Variants in EML6 observed in about 807,000 individuals in gnomAD.
The protein encoded by EML6 is EMAP like 6, also known as echinoderm microtubule-associated protein-like 6.
Under a neutral mutation model 240.1 loss-of-function variants are expected in EML6, and 154 were observed. The observed-to-expected ratio is 0.64, with a 90% CI of 0.56 to 0.73. The LOEUF (loss-of-function observed/expected upper bound fraction) is 0.73, where lower values mean the gene tolerates loss of function less well. Among genes scored for constraint, EML6 ranks in the 30% least tolerant of loss-of-function variants. The probability of loss-of-function intolerance (pLI) is 0.00; values close to 1 mark genes in which losing one functional copy is unlikely to be tolerated. For missense variants in EML6, 2,964 were observed against 2,474.6 expected, an observed-to-expected ratio of 1.20 and a Z score of -4.20; for synonymous variants, 1,148 against 899.0, an observed-to-expected ratio of 1.28 and a Z score of -4.95.
At chr2:54,928,232 C>A in intron 26 of EML6, 81 bp from the exon 27 acceptor site, 1 of 1,065,720 alleles carries the variant, frequency 9.4e-7, no homozygotes, top group Non-Finnish European at 1.4e-6. Context: ...CCTTTGTATC[C>A]AGTAGAAACT....
intron 28 of EML6, among the ~76,000 whole-genome samples, chr2:54,946,693 C>G (rs1482859009): frequency 6.6e-6 from 1 of 152,158 alleles, no homozygotes; most frequent in African/African-American, 2.4e-5. Context: ...TCACACCGCT[C>G]TGGAGACAAA....
intron 2 of EML6, among the ~76,000 whole-genome samples, chr2:54,788,183 G>C (rs954390863): frequency 6.6e-6 from 1 of 152,234 alleles, no homozygotes; most frequent in Non-Finnish European, 1.5e-5. Context: ...TCACTCGCTC[G>C]CTAGCTGCCC....
chr2:54,882,868 A>AAAAAAAAAAAAAAAAAAAAAAAAAAAAAG, intron 17 of EML6: 1 of 140,780 alleles, frequency 7.1e-6, no homozygotes, highest in Non-Finnish European at 1.5e-5. Context: ...AAAAAAAAAA[A>AAAAAAAAAAAAAAAAAAAAAAAAAAAAAG]AAAAAAGAAA....
chr2:54,802,024 G>T (rs1046519648), intron 2 of EML6, among the ~76,000 whole-genome samples: 3 of 152,164 alleles, frequency 2.0e-5, no homozygotes, highest in Non-Finnish European at 4.4e-5. Flanking sequence ...CTCTTACTCA[G>T]ATGTCTGAAG....
rs2007803 is a variant in EML6, at chr2:54,900,156, T to C, written c.3124+374T>C. Among the ~76,000 whole-genome samples the C allele has an allele frequency of 1.7e-3, 255 of 152,292 alleles. 4 individuals are homozygous for C. The East Asian group carries it at 0.02, about 12-fold the overall frequency. On this transcript the variant is annotated intron_variant, in intron 22 of 41. Coordinates refer to ENST00000356458, the MANE Select transcript of EML6 (RefSeq NM_001039753.4). ...TTATTTTATGACTTGAAAACAAACA[T>C]CAATTATATAGAAATATAATACTTA...
rs185152570 is a variant in EML6, at chr2:54,971,651, G to A, written c.*1556G>A. On this transcript the variant is annotated 3_prime_UTR_variant, in exon 42 of 42. Transcript: ENST00000356458. ...CTAATAGGTTGTTGGGCCCGCAGTAGAGTCCCTATGCAGTCCCAATTCTGT... is the reference window on the plus strand; with the variant it reads ...CTAATAGGTTGTTGGGCCCGCAGTAAAGTCCCTATGCAGTCCCAATTCTGT... The A allele has an allele frequency of 1.6e-4, 24 of 152,296 alleles. No individual in the cohort carries two copies. Among genetic ancestry groups the A allele is most frequent in the African/African-American group, 5.8e-4 (24 of 41,558 alleles). The allele number at this position is 152,296 out of a possible 1,614,324, so 9.4% of individuals were successfully genotyped here.
chr2:54,948,023 T>G (rs1228538757), intron 28 of EML6, among the ~76,000 whole-genome samples: 1 of 152,172 alleles, frequency 6.6e-6, no homozygotes, highest in African/African-American at 2.4e-5. Context: ...AGGTAATCCT[T>G]CTCTTTGCAT....
chr2:54,853,186 G>A (rs928984041), intron 10 of EML6, among the ~76,000 whole-genome samples: 1 of 152,018 alleles, frequency 6.6e-6, no homozygotes, highest in Non-Finnish European at 1.5e-5. Flanking sequence ...TTAAAACCTG[G>A]CAAAGCGTTG....
chr2:54,729,682 A>G (rs1157151349), intron 2 of EML6, among the ~76,000 whole-genome samples: 1 of 152,126 alleles, frequency 6.6e-6, no homozygotes, highest in Non-Finnish European at 1.5e-5. Context: ...ATGGCCTCTT[A>G]TATTGTGGTC....
intron 2 of EML6, among the ~76,000 whole-genome samples, chr2:54,795,640 C>G (rs1669724144): frequency 6.6e-6 from 1 of 151,490 alleles, no homozygotes; most frequent in Non-Finnish European, 1.5e-5. Flanking sequence ...CTCAGTGGGC[C>G]TCAGTACTGT....
At chr2:54,968,349 C>A in intron 40 of EML6, 68 bp downstream of exon 40, 1 of 1,396,576 alleles carries the variant, frequency 7.2e-7, no homozygotes, top group South Asian at 1.2e-5. Flanking sequence ...ATAGGGGCCA[C>A]GTCTAGATGG....
chr2:54,748,692 T>C (rs1684025262), intron 2 of EML6, among the ~76,000 whole-genome samples: 1 of 152,168 alleles, frequency 6.6e-6, no homozygotes, highest in Non-Finnish European at 1.5e-5. Context: ...CCTGAGTAGC[T>C]GGGACTACAG....
chr2:54,969,411 C>T (rs1031143756), intron 41 of EML6, among the ~76,000 whole-genome samples: 7 of 152,262 alleles, frequency 4.6e-5, no homozygotes, highest in African/African-American at 1.7e-4. Context: ...AACCCACTTC[C>T]CACTCAAAAG....
intron 35 of EML6, among the ~76,000 whole-genome samples, chr2:54,961,184 G>GTTGGTTTTTTTTTTTTGTTTTTTTTT: frequency 1.8e-5 from 1 of 55,424 alleles, no homozygotes; most frequent in East Asian, 6.3e-4. Flanking sequence ...TCAGGAAGTA[G>GTTGGTTTTTTTTTTTTGTTTTTTTTT]TTTTTTTTTT....
chr2:54,813,240 T>C lies in EML6; in HGVS notation c.206T>C (p.Leu69Ser). ...GHNDDIISLA[L>S]HPDKTLVATG... Reference sequence around the variant, plus strand: ...AACCTTTTCTCTTTCAGCCTTGCCTTACACCCAGACAAAACTCTCGTTGCA... The same window carrying C: ...AACCTTTTCTCTTTCAGCCTTGCCTCACACCCAGACAAAACTCTCGTTGCA... The change falls in exon 3 of 42, where the codon TTA (leucine) becomes TCA (serine). Residue 69 changes from leucine (L) to serine (S), a missense_variant. By Grantham distance (145) the Leu-to-Ser change is moderately radical. Transcript: ENST00000356458. The C allele has an allele frequency of 6.5e-7, 1 of 1,549,540 alleles. No homozygotes were observed. The highest frequency in any genetic ancestry group is 2.4e-5 in the East Asian group (1 of 40,898).
chr2:54,863,386 G>C (rs925564609), intron 12 of EML6, among the ~76,000 whole-genome samples: 1 of 152,184 alleles, frequency 6.6e-6, no homozygotes. Flanking sequence ...TGGGCATGGT[G>C]GTACGCATCT....
At chr2:54,767,127 T>C (rs1022597282) in intron 2 of EML6, among the ~76,000 whole-genome samples, 2 of 152,178 alleles carry the variant, frequency 1.3e-5, no homozygotes, top group Non-Finnish European at 1.5e-5. Context: ...TAGGTTTTTA[T>C]AGAGCATCTG....
chr2:54,843,027 T>C (rs1401433873), intron 7 of EML6, among the ~76,000 whole-genome samples: 1 of 152,230 alleles, frequency 6.6e-6, no homozygotes, highest in Non-Finnish European at 1.5e-5. Context: ...GTATTAAACT[T>C]GTTTAATATG....
chr2:54,789,554 A>G (rs1669310749), intron 2 of EML6, among the ~76,000 whole-genome samples: 1 of 143,806 alleles, frequency 7.0e-6, no homozygotes. Flanking sequence ...AAAAAGAAAA[A>G]GAATGTGCTT....
Sources: allele counts gnomAD v4.1 joint callset (sites outside exome capture counted in the v4.1 genomes callset), GRCh38; gene constraint gnomAD v4.1.1; transcripts MANE v1.5; gene names NCBI Gene and HGNC (gene_info 2026-07-23, HGNC 2026-07-21).